NAALADL2: variants seen among roughly 807,000 people sequenced by gnomAD.
NAALADL2 encodes the protein inactive N-acetylated-alpha-linked acidic dipeptidase-like protein 2.
In NAALADL2, 76 loss-of-function variants were observed where a neutral mutation model predicts 87.2. The observed-to-expected ratio is 0.87, with a 90% CI of 0.72 to 1.05. The LOEUF (loss-of-function observed/expected upper bound fraction) is 1.05. Among genes scored for constraint, NAALADL2 ranks in the 50% least tolerant of loss-of-function variants. The pLI is 0.00. For missense variants in NAALADL2, 1,089 were observed against 945.8 expected, an observed-to-expected ratio of 1.15 and a Z score of -1.99; for synonymous variants, 354 against 331.0, an observed-to-expected ratio of 1.07 and a Z score of -0.75.
intron 2 of NAALADL2, among the ~76,000 whole-genome samples, chr3:174,648,190 C>T (rs1723992933): frequency 6.6e-6 from 1 of 151,864 alleles, no homozygotes; most frequent in Non-Finnish European, 1.5e-5. Context: ...TATTGTTAAT[C>T]TCTTACTGTG....
chr3:175,586,147 T>A (rs1720508307), intron 10 of NAALADL2, among the ~76,000 whole-genome samples: 1 of 152,176 alleles, frequency 6.6e-6, no homozygotes, highest in Non-Finnish European at 1.5e-5. Context: ...TCTCCACAAC[T>A]TAATCTTATT....
At chr3:175,340,326 A>T (rs1581490112) in intron 5 of NAALADL2, among the ~76,000 whole-genome samples, 1 of 152,152 alleles carries the variant, frequency 6.6e-6, no homozygotes, top group East Asian at 1.9e-4. Flanking sequence ...CCTAGATCAT[A>T]CTTTTTAGTG....
intron 13 of NAALADL2, among the ~76,000 whole-genome samples, chr3:175,799,847 G>T (rs371453538): frequency 2.0e-5 from 3 of 151,752 alleles, no homozygotes; most frequent in East Asian, 1.9e-4. Flanking sequence ...GATTACATTC[G>T]CATGGTTGAT....
intron 3 of NAALADL2, among the ~76,000 whole-genome samples, chr3:174,804,849 A>G (rs1390884243): frequency 6.6e-6 from 1 of 152,184 alleles, no homozygotes; most frequent in Non-Finnish European, 1.5e-5. Flanking sequence ...TTGTATTAAT[A>G]TATTTATTAG....
intron 11 of NAALADL2, among the ~76,000 whole-genome samples, chr3:175,631,287 A>C (rs1308606687): frequency 6.6e-6 from 1 of 151,720 alleles, no homozygotes; most frequent in African/African-American, 2.4e-5. Flanking sequence ...GTAGAAGTGC[A>C]ATTTTGTTAC....
At chr3:175,614,076 G>A (rs888281034) in intron 10 of NAALADL2, among the ~76,000 whole-genome samples, 7 of 151,878 alleles carry the variant, frequency 4.6e-5, no homozygotes, top group Non-Finnish European at 7.4e-5. Context: ...TTCCCAAGAC[G>A]GAGTCTTGCT....
chr3:175,107,618 C>T (rs953167956), intron 2 of NAALADL2, among the ~76,000 whole-genome samples: 7 of 151,354 alleles, frequency 4.6e-5, no homozygotes, highest in African/African-American at 1.7e-4. Context: ...TGAAATAAAC[C>T]AATGTAAAAT....
chr3:175,050,637 C>A (rs1054584838), intron 1 of NAALADL2, among the ~76,000 whole-genome samples: 5 of 152,120 alleles, frequency 3.3e-5, no homozygotes, highest in Admixed American at 6.6e-5. Context: ...CTTAAAGTCC[C>A]AGTTTCTGAA....
chr3:174,500,295 C>G (rs1425487243), intron 1 of NAALADL2, among the ~76,000 whole-genome samples: 2 of 152,030 alleles, frequency 1.3e-5, no homozygotes, highest in African/African-American at 2.4e-5. Flanking sequence ...TTACTAAAAT[C>G]ATTTATTTGT....
At chr3:175,383,395 C>T (rs772740234) in intron 5 of NAALADL2, among the ~76,000 whole-genome samples, 2 of 149,656 alleles carry the variant, frequency 1.3e-5, no homozygotes, top group Non-Finnish European at 3.0e-5. Context: ...ATTAATATAT[C>T]CCTCACTTCA....
intron 11 of NAALADL2, among the ~76,000 whole-genome samples, chr3:175,714,417 A>G (rs1156610238): frequency 6.6e-6 from 1 of 152,012 alleles, no homozygotes; most frequent in Non-Finnish European, 1.5e-5. Context: ...TTTAATGATC[A>G]CCATTCCAAC....
At chr3:174,983,912 A>G (rs1050654860) in intron 1 of NAALADL2, among the ~76,000 whole-genome samples, 1 of 152,194 alleles carries the variant, frequency 6.6e-6, no homozygotes, top group African/African-American at 2.4e-5. Context: ...TCAAAATATA[A>G]AAACATACAC....
At chr3:174,983,019 C>T (rs569878254) in intron 1 of NAALADL2, among the ~76,000 whole-genome samples, 376 of 152,192 alleles carry the variant, frequency 2.5e-3, no homozygotes, top group African/African-American at 8.0e-3. Context: ...AGGATGGTCT[C>T]GATCTCCTGA....
intron 2 of NAALADL2, among the ~76,000 whole-genome samples, chr3:174,642,994 C>G (rs1324714970): frequency 6.6e-6 from 1 of 151,926 alleles, no homozygotes; most frequent in Non-Finnish European, 1.5e-5. Context: ...GTTACCCAGC[C>G]TGGTCTTGAA....
chr3:174,473,290 C>T (rs1717016738), intron 1 of NAALADL2, among the ~76,000 whole-genome samples: 1 of 152,152 alleles, frequency 6.6e-6, no homozygotes, highest in Non-Finnish European at 1.5e-5. Flanking sequence ...CTGTGACAAT[C>T]ATAGATGATC....
intron 1 of NAALADL2, among the ~76,000 whole-genome samples, chr3:174,463,000 G>T (rs1716302794): frequency 6.6e-6 from 1 of 152,192 alleles, no homozygotes; most frequent in Admixed American, 6.5e-5. Context: ...GGAACATGCA[G>T]AGTTTAAAAG....
intron 9 of NAALADL2, among the ~76,000 whole-genome samples, chr3:175,569,987 C>T (rs1717798039): frequency 6.6e-6 from 1 of 152,074 alleles, no homozygotes; most frequent in South Asian, 2.1e-4. Flanking sequence ...TGGTGGCTGA[C>T]AAGCCCAGAG....
intron 5 of NAALADL2, among the ~76,000 whole-genome samples, chr3:175,351,495 C>G (rs2148876754): frequency 6.6e-6 from 1 of 151,926 alleles, no homozygotes; most frequent in Non-Finnish European, 1.5e-5. Context: ...ACAACTACTA[C>G]CATAGATTCA....
chr3:174,978,605 A>G (rs908472058), intron 1 of NAALADL2, among the ~76,000 whole-genome samples: 13 of 152,186 alleles, frequency 8.5e-5, no homozygotes, highest in Admixed American at 2.6e-4. Context: ...AATACTTACT[A>G]TATGTTTTCC....
Sources: gnomAD v4.1 joint callset for allele counts (sites outside exome capture counted in the v4.1 genomes callset) on GRCh38, gnomAD v4.1.1 for gene constraint, MANE v1.5 for transcripts, NCBI Gene and HGNC (gene_info 2026-07-23, HGNC 2026-07-21) for gene names.